The following CFAP20DC variants were observed in gnomAD, a reference collection of about 807,000 sequenced individuals.
CFAP20DC encodes the protein protein CFAP20DC.
CFAP20DC carries 84 observed loss-of-function variants against 101.7 expected under a neutral mutation model. The observed-to-expected ratio is 0.83, with a 90% CI of 0.69 to 0.99. The LOEUF (loss-of-function observed/expected upper bound fraction) is 0.99, where lower values mean the gene tolerates loss of function less well. Ranked by LOEUF, CFAP20DC falls within the 50% of genes least tolerant of loss-of-function variation. The probability of loss-of-function intolerance (pLI) is 0.00; values close to 1 mark genes in which losing one functional copy is unlikely to be tolerated. For synonymous variants in CFAP20DC, 359 were observed against 351.2 expected (o/e 1.02, Z -0.25); for missense variants, 1,007 against 970.3 (o/e 1.04, Z -0.50).
At chr3:58,881,631 C>T (rs2081235803) in intron 7 of CFAP20DC, among the ~76,000 whole-genome samples, 1 of 152,160 alleles carries the variant, frequency 6.6e-6, no homozygotes, top group Admixed American at 6.5e-5. Flanking sequence ...CACTAGAAAG[C>T]ACCCACAGAA....
intron 4 of CFAP20DC, among the ~76,000 whole-genome samples, chr3:59,000,861 A>AC (rs2093289726): frequency 6.6e-6 from 1 of 152,194 alleles, no homozygotes; most frequent in Non-Finnish European, 1.5e-5. Context: ...TAGGTGAATA[A>AC]TATATGAAAA....
chr3:58,971,202 CAT>C lies in CFAP20DC; in HGVS notation c.279-33442_279-33441del, dbSNP rs2091928032. ...CAAACGATCACTTTCTGAAGCTTAC[CAT>C]AAAGAAGATATTTGGCACTGAAAGT... is the stretch of plus-strand genomic sequence containing the variant. On this transcript the variant is annotated intron_variant, in intron 4 of 16. Transcript: ENST00000482387. This position sits in a 1 kb window ranked among gnomAD's most constrained non-coding sequence, Gnocchi z 4.1. Among the ~76,000 whole-genome samples, 2 of 152,140 alleles carry C rather than the reference CAT, an allele frequency of 1.3e-5. No homozygotes were observed.
intron 4 of CFAP20DC, among the ~76,000 whole-genome samples, chr3:58,978,536 C>T (rs2092379783): frequency 6.6e-6 from 1 of 151,832 alleles, no homozygotes; most frequent in Non-Finnish European, 1.5e-5. Flanking sequence ...TGGTGAAACC[C>T]CATCTCTGCT....
intron 5 of CFAP20DC, among the ~76,000 whole-genome samples, chr3:58,925,399 CAT>C (rs2085844080): frequency 6.6e-6 from 1 of 152,164 alleles, no homozygotes; most frequent in Non-Finnish European, 1.5e-5. Flanking sequence ...TAATTATTTA[CAT>C]GTTTGCCTTT....
chr3:58,738,556 A>G (rs921563534), downstream of CFAP20DC, among the ~76,000 whole-genome samples: 2 of 152,206 alleles, frequency 1.3e-5, no homozygotes, highest in African/African-American at 4.8e-5. The surrounding 1 kb of genome is among the most constrained non-coding windows in gnomAD (Gnocchi z 4.4). Flanking sequence ...TCCATGGTGT[A>G]TATGTACCAC....
intron 4 of CFAP20DC, among the ~76,000 whole-genome samples, chr3:59,025,869 C>T (rs1415827205): frequency 6.6e-6 from 1 of 151,802 alleles, no homozygotes; most frequent in Non-Finnish European, 1.5e-5. Flanking sequence ...TTTGAACATG[C>T]ATCTAGTTTG....
In CFAP20DC at chr3:58,863,601, G is replaced by C; in HGVS notation, c.1550C>G (p.Thr517Ser). ...KEDNSVTSRD[T>S]QSEDDFYGGD... ...GCCGTAAAAATCATCCTCTGATTGGGTGTCTCTGCTTGTCACACTGTTATC... is the reference window on the plus strand; with the variant it reads ...GCCGTAAAAATCATCCTCTGATTGGCTGTCTCTGCTTGTCACACTGTTATC... Residue 517 changes from threonine (T) to serine (S), a missense_variant, in exon 12 of 17, where the codon ACC becomes AGC. By Grantham distance (58) the Thr-to-Ser change is moderately conservative. Transcript: ENST00000482387. The surrounding 1 kb of genome is among the most constrained non-coding windows in gnomAD (Gnocchi z 5.9). 1 of 1,614,126 alleles carries C rather than the reference G, an allele frequency of 6.2e-7. No individual in the cohort carries two copies. The highest frequency in any genetic ancestry group is 8.5e-7 in the Non-Finnish European group (1 of 1,180,014).
At chr3:59,041,688 T>C (rs1032301651) in intron 3 of CFAP20DC, among the ~76,000 whole-genome samples, 2 of 152,130 alleles carry the variant, frequency 1.3e-5, no homozygotes, top group South Asian at 2.1e-4. Context: ...TTATAATCTG[T>C]TGTCTGTCAG....
intron 13 of CFAP20DC, among the ~76,000 whole-genome samples, chr3:58,842,507 G>C (rs908644321): frequency 6.6e-6 from 1 of 152,118 alleles, no homozygotes; most frequent in Non-Finnish European, 1.5e-5. Flanking sequence ...CTGGCTCGGA[G>C]GGTCCTACGC....
At chr3:58,744,473 G>A (rs1386877340) in intron 16 of CFAP20DC, among the ~76,000 whole-genome samples, 2 of 152,136 alleles carry the variant, frequency 1.3e-5, no homozygotes, top group Non-Finnish European at 2.9e-5. Flanking sequence ...AAATTTAAAA[G>A]TGTCCTACAT....
chr3:58,898,435 A>G (rs1315571970), intron 6 of CFAP20DC, among the ~76,000 whole-genome samples: 1 of 152,194 alleles, frequency 6.6e-6, no homozygotes, highest in Non-Finnish European at 1.5e-5. Context: ...TTGGCCTCCC[A>G]AAGTGCTGAG....
At chr3:58,919,330 A>G (rs2085087812) in intron 5 of CFAP20DC, among the ~76,000 whole-genome samples, 1 of 152,194 alleles carries the variant, frequency 6.6e-6, no homozygotes, top group African/African-American at 2.4e-5. Flanking sequence ...TGTTTTGAAC[A>G]GTTAGATTAT....
rs993065272 is a variant in CFAP20DC at position 58,964,313 on chromosome 3, T to G, written c.279-26551A>C. Among the ~76,000 whole-genome samples, 3 of 152,206 alleles carry G rather than the reference T, an allele frequency of 2.0e-5. No homozygotes were observed. Among genetic ancestry groups the G allele is most frequent in the African/African-American group, 7.2e-5 (3 of 41,462 alleles). On this transcript the variant is annotated intron_variant, in intron 4 of 16. Coordinates refer to ENST00000482387, the MANE Select transcript of CFAP20DC (RefSeq NM_001394063.1). This position sits in a 1 kb window ranked among gnomAD's most constrained non-coding sequence, Gnocchi z 4.1. ...TGCCTTCATGTCCTGAAAAGACCTT[T>G]TGAGGTACAGGGCCTAACTGTAATA...
At chr3:58,832,732 T>C (rs182895374) in intron 13 of CFAP20DC, among the ~76,000 whole-genome samples, 1 of 152,200 alleles carries the variant, frequency 6.6e-6, no homozygotes, top group East Asian at 1.9e-4. Flanking sequence ...CTACTACAGA[T>C]CTTTAGATGC....
At chr3:59,039,204 A>G (rs1221971316) in intron 4 of CFAP20DC, among the ~76,000 whole-genome samples, 1 of 152,114 alleles carries the variant, frequency 6.6e-6, no homozygotes, top group Non-Finnish European at 1.5e-5. Flanking sequence ...GACCAACCAT[A>G]GTTTTGAATA....
intron 15 of CFAP20DC, among the ~76,000 whole-genome samples, chr3:58,789,036 CCA>C (rs1358847293): frequency 6.6e-6 from 1 of 152,098 alleles, no homozygotes; most frequent in Non-Finnish European, 1.5e-5. Context: ...TGTATCAATT[CCA>C]CACAGTGGCA....
intron 14 of CFAP20DC, among the ~76,000 whole-genome samples, chr3:58,813,240 T>A (rs544064937): frequency 1.3e-5 from 2 of 151,974 alleles, no homozygotes; most frequent in African/African-American, 4.8e-5. Context: ...TTTCAAAACA[T>A]AGCTGAACAA....
In CFAP20DC at chr3:58,724,848, G is replaced by A. The variant is rs1376655770; in HGVS notation, c.198-7220C>T. Among the ~76,000 whole-genome samples the A allele has an allele frequency of 6.6e-6, 1 of 152,130 alleles. No homozygotes were observed. Among genetic ancestry groups the A allele is most frequent in the African/African-American group, 2.4e-5 (1 of 41,434 alleles). On this transcript the variant is annotated intron_variant, in intron 3 of 3. Transcript: ENST00000486145. The surrounding 1 kb of genome is among the most constrained non-coding windows in gnomAD (Gnocchi z 5.6). Reference sequence around the variant, plus strand: ...GAGGCTGGTCCCCAACACAGCAGCAGTTGGGATCTGGAAGTCAGCCCCAGG... The same window carrying A: ...GAGGCTGGTCCCCAACACAGCAGCAATTGGGATCTGGAAGTCAGCCCCAGG...
At position 59,049,741 on chromosome 3, in the gene CFAP20DC, G is replaced by T; in HGVS notation, c.-110C>A. ...GCGGGAACCCAGGAGCCCGACGGGT[G>T]GGAAAGGGCTTCGTGCTTGGCCCAG... is the stretch of plus-strand genomic sequence containing the variant. On this transcript the variant is annotated 5_prime_UTR_variant, in exon 1 of 17. Transcript: ENST00000482387. 4.5e-6 allele frequency: 6 copies of T among 1,338,854 alleles called. No individual in the cohort carries two copies. Among genetic ancestry groups the T allele is most frequent in the Non-Finnish European group, 5.1e-6 (5 of 986,952 alleles). 82.9% of individuals were successfully genotyped at this position (1,338,854 alleles called of 1,614,324 possible).
Sources: gnomAD v4.1 joint callset for allele counts (sites outside exome capture counted in the v4.1 genomes callset) on GRCh38, gnomAD v4.1.1 for gene constraint, Gnocchi (gnomAD v3.1) non-coding constraint, MANE v1.5 for transcripts, NCBI Gene and HGNC (gene_info 2026-07-23, HGNC 2026-07-21) for gene names.